Variants in CKMT1B observed in about 807,000 individuals in gnomAD.
The protein encoded by CKMT1B is creatine kinase U-type, mitochondrial.
In CKMT1B, 13 loss-of-function variants were observed where a neutral mutation model predicts 21.8. The observed-to-expected ratio is 0.60, with a 90% CI of 0.39 to 0.95. The LOEUF (loss-of-function observed/expected upper bound fraction) is 0.95, where lower values mean the gene tolerates loss of function less well. Ranked by LOEUF, CKMT1B falls within the 40% of genes least tolerant of loss-of-function variation. The probability of loss-of-function intolerance (pLI) is 0.00; values close to 1 mark genes in which losing one functional copy is unlikely to be tolerated. For missense variants in CKMT1B, 157 were observed against 227.5 expected (o/e 0.69, Z 1.99); for synonymous variants, 50 against 80.3 (o/e 0.62, Z 2.02).
In CKMT1B at chr15:43,599,347, T is replaced by C; in HGVS notation, c.*74T>C. The C allele has an allele frequency of 1.9e-6, 3 of 1,610,780 alleles. No individual in the cohort carries two copies. The highest frequency in any genetic ancestry group is 1.3e-5 in the African/African-American group (1 of 74,836). On this transcript the variant is annotated 3_prime_UTR_variant, in exon 9 of 9. Coordinates refer to ENST00000441322, the MANE Select transcript of CKMT1B (RefSeq NM_001375484.1). ...TCTAATGATGGCCCATTCTACTTGC[T>C]CTGGACCTGCCCCCGCATCCCCTGC...
In CKMT1B at chr15:43,597,839, C is replaced by A. The variant is rs1389556360; in HGVS notation, c.877-354C>A. ...CTAAGCTCTAGGCTCATTAGCAAAG[C>A]AAAGATAATCGATGCATGCAGACCT... On this transcript the variant is annotated intron_variant, in intron 6 of 8. Coordinates refer to ENST00000441322, the MANE Select transcript of CKMT1B (RefSeq NM_001375484.1). The A allele has an allele frequency of 7.8e-6, 9 of 1,156,016 alleles. 2 individuals carry two copies. In the African/African-American group the frequency reaches 1.2e-4, roughly 15 times the overall value. The allele number at this position is 1,156,016 out of a possible 1,614,324, so 71.6% of individuals were successfully genotyped here. A position where few individuals can be genotyped will look rare whatever the true frequency, so the allele number is the denominator to read the frequency against.
chr15:43,598,142 G>A, intron 6 of CKMT1B, 51 bp from the exon 7 acceptor site: 2 of 1,607,224 alleles, frequency 1.2e-6, no homozygotes, highest in Non-Finnish European at 1.7e-6. Flanking sequence ...GAGGGTCCAG[G>A]GTTAATGAAA....
intron 7 of CKMT1B, 43 bp downstream of exon 7, chr15:43,598,370 G>T (rs1437752850): frequency 1.3e-6 from 2 of 1,596,136 alleles, no homozygotes; most frequent in South Asian, 1.1e-5. Context: ...AGTAAGGAAG[G>T]GTGGGTTGTG....
Position 43,596,531 on chromosome 15 carries a change from G to A in CKMT1B, c.876G>A (p.Glu292=), listed in dbSNP as rs1300827036. 8 of 1,607,906 alleles carry A rather than the reference G, an allele frequency of 5.0e-6. No individual in the cohort carries two copies. Among genetic ancestry groups the A allele is most frequent in the Non-Finnish European group, 6.8e-6 (8 of 1,179,406 alleles). The change falls in exon 6 of 9, where the codon GAG becomes GAA. Residue 292 remains glutamate (E), a splice_region_variant and synonymous_variant. Coordinates refer to ENST00000441322, the MANE Select transcript of CKMT1B (RefSeq NM_001375484.1). ...VFERFCRGLK[E]VERLIQERGW... ...AAAGATTCTGCCGAGGCCTCAAAGA[G>A]GTTAGAGAAGACTATGTAGGGGAGC...
At chr15:43,597,742 C>G in intron 6 of CKMT1B, 2 of 1,012,244 alleles carry the variant, frequency 2.0e-6, no homozygotes, top group Non-Finnish European at 2.4e-6. Flanking sequence ...GCTCCGTTCA[C>G]AGCTAACAGA....
rs2085644107 is a variant in CKMT1B at position 43,599,330 on chromosome 15, T to G, written c.*57T>G. Reference sequence around the variant, plus strand: ...CCAGGAGTTCTGCTCATTCTAATGATGGCCCATTCTACTTGCTCTGGACCT... The same window carrying G: ...CCAGGAGTTCTGCTCATTCTAATGAGGGCCCATTCTACTTGCTCTGGACCT... On this transcript the variant is annotated 3_prime_UTR_variant, in exon 9 of 9. Coordinates refer to ENST00000441322, the MANE Select transcript of CKMT1B (RefSeq NM_001375484.1). The G allele has an allele frequency of 6.2e-7, 1 of 1,613,028 alleles. No individual in the cohort carries two copies. Among genetic ancestry groups the G allele is most frequent in the South Asian group, 1.1e-5 (1 of 91,030 alleles).
Position 43,597,576 on chromosome 15 carries a change from T to C in CKMT1B, c.877-617T>C. ...TACTCATGTTGGGTTGTGGTCTTTGTGACCATCATTCTGCTAGATCCCTTG... is the reference window on the plus strand; with the variant it reads ...TACTCATGTTGGGTTGTGGTCTTTGCGACCATCATTCTGCTAGATCCCTTG... On this transcript the variant is annotated intron_variant, in intron 6 of 8. Coordinates refer to ENST00000441322, the MANE Select transcript of CKMT1B (RefSeq NM_001375484.1). 3.9e-6 allele frequency: 4 copies of C among 1,020,406 alleles called. 1 individual carries two copies. Among genetic ancestry groups the C allele is most frequent in the East Asian group, 1.4e-4 (2 of 13,804 alleles). 63.2% of individuals were successfully genotyped at this position (1,020,406 alleles called of 1,614,324 possible).
chr15:43,598,704 G>C (rs56368539), intron 7 of CKMT1B, 123 bp from the exon 8 acceptor site: 1 of 1,376,708 alleles, frequency 7.3e-7, no homozygotes, highest in Non-Finnish European at 9.6e-7. Context: ...AATTAAAAAA[G>C]AAAAAAGAAA....
At chr15:43,597,349 G>A in intron 6 of CKMT1B, 1 of 1,035,722 alleles carries the variant, frequency 9.7e-7, no homozygotes, top group Middle Eastern at 2.5e-4. Flanking sequence ...CTGTAAAATT[G>A]GGATAATGAG....
chr15:43,596,573 A>G (rs1414453638), intron 6 of CKMT1B, 42 bp downstream of exon 6: 6 of 1,607,598 alleles, frequency 3.7e-6, no homozygotes, highest in Middle Eastern at 1.6e-4. Context: ...GGAGGACATA[A>G]GGAAAACCAA....
chr15:43,598,727 A>G, intron 7 of CKMT1B, 100 bp from the exon 8 acceptor site: 2 of 1,444,310 alleles, frequency 1.4e-6, no homozygotes, highest in Non-Finnish European at 1.8e-6. Context: ...AGGAAAAAAA[A>G]AGTTCAGGAG....
At position 43,599,317 on chromosome 15, in the gene CKMT1B, C is replaced by T; in HGVS notation, c.*44C>T. On this transcript the variant is annotated 3_prime_UTR_variant, in exon 9 of 9. Coordinates refer to ENST00000441322, the MANE Select transcript of CKMT1B (RefSeq NM_001375484.1). ...TGACTCAAGATTCCCAGGAGTTCTG[C>T]TCATTCTAATGATGGCCCATTCTAC... The T allele has an allele frequency of 6.2e-7, 1 of 1,613,416 alleles. No individual in the cohort carries two copies. Among genetic ancestry groups the T allele is most frequent in the Non-Finnish European group, 8.5e-7 (1 of 1,179,690 alleles).
At chr15:43,597,302 G>A in intron 6 of CKMT1B, 1 of 631,214 alleles carries the variant, frequency 1.6e-6, no homozygotes, top group Non-Finnish European at 2.4e-6. Context: ...GAGTGGGTAG[G>A]GAAGTACCTT....
intron 6 of CKMT1B, chr15:43,597,326 TCA>T (rs1380382740): frequency 2.3e-6 from 2 of 878,420 alleles, no homozygotes; most frequent in Non-Finnish European, 3.1e-6. Context: ...ATTATATGCC[TCA>T]GTTTCCTCAT....
At chr15:43,598,713 A>T in intron 7 of CKMT1B, 114 bp from the exon 8 acceptor site, 1 of 1,421,044 alleles carries the variant, frequency 7.0e-7, no homozygotes, top group Non-Finnish European at 9.3e-7. Context: ...AGAAAAAAGA[A>T]AAAAGGAAAA....
chr15:43,596,968 A>G (rs1274722148), intron 6 of CKMT1B, among the ~76,000 whole-genome samples: 1 of 148,258 alleles, frequency 6.7e-6, no homozygotes, highest in East Asian at 2.1e-4. Flanking sequence ...TTGACTCTGG[A>G]TTCTATCATT....
intron 7 of CKMT1B, among the ~76,000 whole-genome samples, 180 bp from the exon 8 acceptor site, chr15:43,598,647 T>C (rs2085621416): frequency 6.8e-6 from 1 of 147,452 alleles, no homozygotes; most frequent in Non-Finnish European, 1.5e-5. Flanking sequence ...TTCAGTGAGC[T>C]GTGATCACTC....
intron 6 of CKMT1B, 168 bp downstream of exon 6, chr15:43,596,699 C>CTGGGAAAA: frequency 9.7e-7 from 1 of 1,034,770 alleles, no homozygotes; most frequent in Non-Finnish European, 1.4e-6. Flanking sequence ...TGGGACCATA[C>CTGGGAAAA]TGGGAAAACC....
At chr15:43,596,612 A>G in intron 6 of CKMT1B, 81 bp downstream of exon 6, 1 of 1,597,278 alleles carries the variant, frequency 6.3e-7, no homozygotes, top group Non-Finnish European at 8.5e-7. Flanking sequence ...TATGTAATTT[A>G]CCAACCAACC....
Sources: allele counts gnomAD v4.1 joint callset (sites outside exome capture counted in the v4.1 genomes callset), GRCh38; gene constraint gnomAD v4.1.1; transcripts MANE v1.5; gene names NCBI Gene and HGNC (gene_info 2026-07-23, HGNC 2026-07-21).